Variants in SLC8A1 observed in about 807,000 individuals in gnomAD.
The protein encoded by SLC8A1 is sodium/calcium exchanger 1.
Under a neutral mutation model 68.3 loss-of-function variants are expected in SLC8A1, and 18 were observed. The ratio of observed to expected loss-of-function variants is 0.26; its 90% CI spans 0.18 to 0.39. The LOEUF (loss-of-function observed/expected upper bound fraction) is 0.39. SLC8A1 is among the 10% of genes least tolerant of loss of function. The pLI is 1.00. For synonymous variants in SLC8A1, 475 were observed against 415.5 expected (o/e 1.14, Z -1.74); for missense variants, 985 against 1,156.7 (o/e 0.85, Z 2.15).
At chr2:40,389,810 T>TATATATG (rs201950443) in intron 2 of SLC8A1, among the ~76,000 whole-genome samples, 28 of 150,008 alleles carry the variant, frequency 1.9e-4, no homozygotes, top group African/African-American at 6.6e-4. Flanking sequence ...TGGGGAAATA[T>TATATATG]ATATATGATA....
At chr2:40,277,542 G>GA (rs1172966782) in intron 2 of SLC8A1, among the ~76,000 whole-genome samples, 3 of 150,314 alleles carry the variant, frequency 2.0e-5, no homozygotes, top group Non-Finnish European at 3.0e-5. Flanking sequence ...TCTGTCTCAA[G>GA]AAAAAAAACC....
chr2:40,174,800 A>G, intron 4 of SLC8A1, 25 bp downstream of exon 5: 1 of 1,606,308 alleles, frequency 6.2e-7, no homozygotes, highest in African/African-American at 1.3e-5. Flanking sequence ...AAAGTTAGAT[A>G]GCATTAGACT....
chr2:40,471,127 C>T (rs915041713), intron 1 of SLC8A1, among the ~76,000 whole-genome samples: 1 of 152,138 alleles, frequency 6.6e-6, no homozygotes, highest in Non-Finnish European at 1.5e-5. Context: ...AACAGCAAAC[C>T]TCTGCCACTG....
At chr2:40,293,794 G>A (rs1450765749) in intron 2 of SLC8A1, among the ~76,000 whole-genome samples, 1 of 152,106 alleles carries the variant, frequency 6.6e-6, no homozygotes, top group African/African-American at 2.4e-5. Context: ...AATAGGGTAT[G>A]TAGACTTATC....
chr2:40,108,356 C>G (rs1032663839), exon 8 of SLC8A1: 6 of 152,074 alleles, frequency 3.9e-5, no homozygotes, highest in African/African-American at 1.4e-4. Flanking sequence ...ATAAAACCTG[C>G]GAATATAAAT....
At chr2:40,253,280 G>A (rs548569086) in intron 2 of SLC8A1, among the ~76,000 whole-genome samples, 14 of 147,984 alleles carry the variant, frequency 9.5e-5, no homozygotes, top group South Asian at 6.4e-4. Context: ...TACATATGAC[G>A]TATATATGTG....
chr2:40,122,203 CGCGCACACACACACACACACACGTGT>C lies in SLC8A1; in HGVS notation c.2438-6600_2438-6575del, dbSNP rs1414338806. On this transcript the variant is annotated intron_variant, in intron 7 of 7. Coordinates refer to ENST00000406785, the Ensembl canonical transcript of SLC8A1. ...TTTCTCTCTCACAAGTGCATGCGCG[CGCGCACACACACACACACACACGTGT>C]GCGCGCGCACACACACACACACACT... 2.9e-3 allele frequency among the ~76,000 whole-genome samples: 279 copies of C among 96,056 alleles called. 1 individual carries two copies. Among genetic ancestry groups the C allele is most frequent in the African/African-American group, 7.9e-3 (263 of 33,162 alleles). The allele number at this position is 96,056 out of a possible 152,430, so 63.0% of individuals were successfully genotyped here. A position where few individuals can be genotyped will look rare whatever the true frequency, so the allele number is the denominator to read the frequency against.
At chr2:40,402,769 AAAAGG>A (rs1412608950) in intron 2 of SLC8A1, among the ~76,000 whole-genome samples, 1 of 152,210 alleles carries the variant, frequency 6.6e-6, no homozygotes, top group Non-Finnish European at 1.5e-5. Context: ...ACAGGAAAGT[AAAAGG>A]AAAGCTTGCA....
At chr2:40,308,882 T>A (rs1417540937) in intron 2 of SLC8A1, among the ~76,000 whole-genome samples, 4 of 152,152 alleles carry the variant, frequency 2.6e-5, no homozygotes, top group Non-Finnish European at 1.5e-5. Context: ...TCTCAGCATT[T>A]AGAGAAGACA....
At chr2:40,264,258 T>C (rs998702122) in intron 2 of SLC8A1, among the ~76,000 whole-genome samples, 4 of 151,816 alleles carry the variant, frequency 2.6e-5, no homozygotes, top group African/African-American at 9.7e-5. Flanking sequence ...GGTGGGACTG[T>C]AAACTAGTTC....
rs369097372 is a variant in SLC8A1, at chr2:40,170,273, A to G, written c.1930+4552T>C. 6.2e-7 allele frequency: 1 copy of G among 1,612,906 alleles called. No homozygotes were observed. The highest frequency in any genetic ancestry group is 8.5e-7 in the Non-Finnish European group (1 of 1,179,050). On this transcript the variant is annotated intron_variant, in intron 4 of 7. Transcript: ENST00000406785. ...TGTGGTTTTCAAGGATCATGATGAA[A>G]TGAGTACCTGCAATGGTGATTACAG...
chr2:40,494,075 T>C lies in SLC8A1; in HGVS notation c.-25+18274A>G, dbSNP rs146758637. Among the ~76,000 whole-genome samples the C allele has an allele frequency of 2.6e-5, 4 of 151,996 alleles. No individual in the cohort carries two copies. The East Asian group carries it at 7.8e-4, about 30-fold the overall frequency. On this transcript the variant is annotated intron_variant, in intron 1 of 7. Coordinates refer to the SLC8A1 transcript ENST00000402441. ...TTCTCTCCTTTACAGGCCTCTGCAA[T>C]CACTACAATAAAATATTTGAATCAT...
chr2:40,327,482 G>A (rs1469104973), intron 2 of SLC8A1, among the ~76,000 whole-genome samples: 2 of 152,116 alleles, frequency 1.3e-5, no homozygotes, highest in East Asian at 3.9e-4. Flanking sequence ...TTTAAAAAAC[G>A]TTGTGAGCAT....
chr2:40,123,477 C>T (rs944582183), intron 7 of SLC8A1, among the ~76,000 whole-genome samples: 4 of 152,176 alleles, frequency 2.6e-5, no homozygotes, highest in African/African-American at 9.7e-5. Context: ...CACACACTCA[C>T]TTCACTGGTT....
chr2:40,178,160 G>T (rs1426724075), intron 2 of SLC8A1, among the ~76,000 whole-genome samples: 5 of 152,246 alleles, frequency 3.3e-5, no homozygotes. Context: ...ATGGATGCTT[G>T]ATTGACTGCC....
intron 2 of SLC8A1, among the ~76,000 whole-genome samples, chr2:40,399,294 A>G (rs1255096319): frequency 6.6e-6 from 1 of 150,978 alleles, no homozygotes; most frequent in East Asian, 1.9e-4. Context: ...CTGTTTTGTG[A>G]GGGCCTCCTC....
At chr2:40,100,274 G>C (rs1263579216) in exon 8 of SLC8A1, 1 of 152,044 alleles carries the variant, frequency 6.6e-6, no homozygotes, top group African/African-American at 2.4e-5. Context: ...ATTTAGGCTT[G>C]TTTCAAGATT....
At chr2:40,383,037 C>T (rs538153673) in intron 2 of SLC8A1, among the ~76,000 whole-genome samples, 3 of 152,158 alleles carry the variant, frequency 2.0e-5, no homozygotes, top group Non-Finnish European at 4.4e-5. Flanking sequence ...TAGTGCTTGG[C>T]AAATTAGGTA....
intron 2 of SLC8A1, among the ~76,000 whole-genome samples, chr2:40,292,220 A>G (rs2069461832): frequency 6.6e-6 from 1 of 152,158 alleles, no homozygotes. Flanking sequence ...TTGACAAAAG[A>G]AAATATATTT....
Sources: gnomAD v4.1 joint callset for allele counts (sites outside exome capture counted in the v4.1 genomes callset) on GRCh38, gnomAD v4.1.1 for gene constraint, MANE v1.5 for transcripts, NCBI Gene and HGNC (gene_info 2026-07-23, HGNC 2026-07-21) for gene names.